Variants in ANKRD55 observed in about 807,000 individuals in gnomAD.
ANKRD55 encodes the protein ankyrin repeat domain-containing protein 55.
In ANKRD55, 41 loss-of-function variants were observed where a neutral mutation model predicts 60.6. The ratio of observed to expected loss-of-function variants is 0.68; its 90% CI spans 0.53 to 0.88. The LOEUF (loss-of-function observed/expected upper bound fraction) is 0.88, where lower values mean the gene tolerates loss of function less well. Among genes scored for constraint, ANKRD55 ranks in the 40% least tolerant of loss-of-function variants. The pLI is 0.00. For missense variants in ANKRD55, 732 were observed against 767.6 expected (o/e 0.95, Z 0.55); for synonymous variants, 264 against 290.3 (o/e 0.91, Z 0.92).
rs1561263978 is a variant in ANKRD55 at position 56,135,293 on chromosome 5, T to TTCTTTCTTTCTTTCTTTCTTTCTTTC, written c.613-8188_613-8187insGAAAGAAAGAAAGAAAGAAAGAAAGA. 2.0e-4 allele frequency among the ~76,000 whole-genome samples: 15 copies of TTCTTTCTTTCTTTCTTTCTTTCTTTC among 74,208 alleles called. 1 individual carries two copies. The highest frequency in any genetic ancestry group is 6.2e-4 in the African/African-American group (14 of 22,628). 48.7% of individuals were successfully genotyped at this position (74,208 alleles called of 152,430 possible). ...CTCCCTCCCTCCCTGCCTGCCTGCT[T>TTCTTTCTTTCTTTCTTTCTTTCTTTC]GCTTTCTTTCTTTCTTTCTTTCTTT... On this transcript the variant is annotated intron_variant, in intron 7 of 11. Coordinates refer to ENST00000341048, the MANE Select transcript of ANKRD55 (RefSeq NM_024669.3).
At chr5:56,107,314 A>G (rs536484911) in intron 10 of ANKRD55, among the ~76,000 whole-genome samples, 2 of 152,322 alleles carry the variant, frequency 1.3e-5, no homozygotes, top group African/African-American at 4.8e-5. Flanking sequence ...GTTGAAAAAA[A>G]TATTTGATAT....
chr5:56,200,648 C>T (rs1759341724), intron 2 of ANKRD55, among the ~76,000 whole-genome samples: 2 of 152,158 alleles, frequency 1.3e-5, no homozygotes, highest in South Asian at 2.1e-4. Flanking sequence ...TTGACTGCAT[C>T]GGTTACTGGG....
rs1220837400 is a variant in ANKRD55, at chr5:56,202,354, TC to T, written c.59-18721del. ...CAAAGTGTGCCTGTTGTTATTATTA[TC>T]CAAATTACTACTTTGACATTGATAG... is the stretch of plus-strand genomic sequence containing the variant. On this transcript the variant is annotated intron_variant, in intron 2 of 11. Transcript: ENST00000341048. 4.6e-5 allele frequency among the ~76,000 whole-genome samples: 7 copies of T among 152,292 alleles called. No homozygotes were observed. In the South Asian group the frequency reaches 1.5e-3, roughly 32 times the overall value.
intron 5 of ANKRD55, among the ~76,000 whole-genome samples, chr5:56,166,153 T>TTTCCTTC (rs1561277854): frequency 1.6e-3 from 77 of 49,416 alleles, no homozygotes; most frequent in Admixed American, 3.0e-3. Context: ...TTTCTTTCTT[T>TTTCCTTC]CTTCTTTCCT....
chr5:56,166,153 T>TTCCTTCCTTC (rs1561277854), intron 5 of ANKRD55, among the ~76,000 whole-genome samples: 1 of 49,504 alleles, frequency 2.0e-5, no homozygotes, highest in Non-Finnish European at 4.1e-5. Context: ...TTTCTTTCTT[T>TTCCTTCCTTC]CTTCTTTCCT....
chr5:56,113,063 A>G (rs189169620), intron 9 of ANKRD55, among the ~76,000 whole-genome samples: 164 of 152,240 alleles, frequency 1.1e-3, no homozygotes, highest in African/African-American at 3.8e-3. Context: ...TATAAAGAAT[A>G]TGTCTGTGTG....
chr5:56,197,065 A>C (rs1759244242), intron 2 of ANKRD55, among the ~76,000 whole-genome samples: 1 of 152,172 alleles, frequency 6.6e-6, no homozygotes, highest in African/African-American at 2.4e-5. Flanking sequence ...TACCTACATG[A>C]TTTTGGTGCA....
intron 7 of ANKRD55, among the ~76,000 whole-genome samples, chr5:56,140,575 G>A (rs1174371834): frequency 6.6e-6 from 1 of 152,224 alleles, no homozygotes; most frequent in Non-Finnish European, 1.5e-5. Flanking sequence ...CATAGTGGAT[G>A]CTCAAGAAGT....
intron 4 of ANKRD55, among the ~76,000 whole-genome samples, chr5:56,171,868 C>T (rs1209649949): frequency 1.3e-5 from 2 of 152,088 alleles, no homozygotes; most frequent in African/African-American, 4.8e-5. Context: ...CCTGTAATCC[C>T]AGCACTTTGG....
intron 2 of ANKRD55, among the ~76,000 whole-genome samples, chr5:56,228,111 TCCTGGAA>T (rs1760164370): frequency 6.6e-6 from 1 of 152,154 alleles, no homozygotes; most frequent in Admixed American, 6.5e-5. Flanking sequence ...TAACCTCTAA[TCCTGGAA>T]CCTGTGGCTA....
At chr5:56,178,390 G>A (rs1427785936) in intron 3 of ANKRD55, among the ~76,000 whole-genome samples, 2 of 151,334 alleles carry the variant, frequency 1.3e-5, no homozygotes, top group African/African-American at 2.4e-5. Flanking sequence ...TTTTCCTGAG[G>A]TGTCTCTAAC....
At chr5:56,203,372 G>C (rs1333733789) in intron 2 of ANKRD55, among the ~76,000 whole-genome samples, 2 of 152,002 alleles carry the variant, frequency 1.3e-5, no homozygotes, top group African/African-American at 2.4e-5. Context: ...TATACTTTAA[G>C]TTTTAGGGTA....
chr5:56,166,806 A>G (rs2111806985), intron 5 of ANKRD55, among the ~76,000 whole-genome samples: 1 of 152,366 alleles, frequency 6.6e-6, no homozygotes, highest in Middle Eastern at 3.4e-3. Context: ...GGAGCAGCAT[A>G]GCAATTCCTT....
intron 2 of ANKRD55, among the ~76,000 whole-genome samples, chr5:56,190,980 T>G (rs1275133697): frequency 6.6e-6 from 1 of 152,216 alleles, no homozygotes; most frequent in Non-Finnish European, 1.5e-5. Context: ...CTTTCCCTAT[T>G]GAATGGTCTT....
At chr5:56,165,390 C>CA (rs1271194018) in intron 5 of ANKRD55, among the ~76,000 whole-genome samples, 5 of 152,142 alleles carry the variant, frequency 3.3e-5, no homozygotes, top group African/African-American at 1.2e-4. Context: ...GGATGAGCAC[C>CA]AGTGGGGTGG....
At chr5:56,107,419 C>T (rs537030942) in intron 10 of ANKRD55, among the ~76,000 whole-genome samples, 3 of 152,210 alleles carry the variant, frequency 2.0e-5, no homozygotes, top group Middle Eastern at 3.4e-3. Context: ...TGAGCAAATC[C>T]CCAAACCACG....
intron 2 of ANKRD55, among the ~76,000 whole-genome samples, chr5:56,184,457 C>A (rs1397410835): frequency 6.6e-6 from 1 of 152,176 alleles, no homozygotes; most frequent in Non-Finnish European, 1.5e-5. Context: ...GCAAGCTGTC[C>A]CTTCATGAAA....
At chr5:56,185,356 G>A (rs1056576083) in intron 2 of ANKRD55, among the ~76,000 whole-genome samples, 1 of 152,032 alleles carries the variant, frequency 6.6e-6, no homozygotes. Context: ...TCCCATGCAC[G>A]CCTCCTCTGC....
chr5:56,214,012 G>A (rs1195287642), intron 2 of ANKRD55, among the ~76,000 whole-genome samples: 1 of 152,248 alleles, frequency 6.6e-6, no homozygotes, highest in Non-Finnish European at 1.5e-5. Context: ...AGGCAAAGGA[G>A]AAGCAGAGGC....
Sources: allele counts gnomAD v4.1 joint callset (sites outside exome capture counted in the v4.1 genomes callset), GRCh38; gene constraint gnomAD v4.1.1; transcripts MANE v1.5; gene names NCBI Gene and HGNC (gene_info 2026-07-23, HGNC 2026-07-21).